Variants in TOPAZ1 observed in about 807,000 individuals in gnomAD.
TOPAZ1 encodes testis and ovary specific TOPAZ 1.
TOPAZ1 carries 66 observed loss-of-function variants against 172.2 expected under a neutral mutation model. The observed-to-expected ratio is 0.38, with a 90% CI of 0.31 to 0.47. TOPAZ1 has a LOEUF of 0.47. Ranked by LOEUF, TOPAZ1 falls within the 20% of genes least tolerant of loss-of-function variation. The pLI, the probability that TOPAZ1 is intolerant of heterozygous loss-of-function variation, is 0.99. For synonymous variants in TOPAZ1, 681 were observed against 683.9 expected (o/e 1.00, Z 0.07); for missense variants, 1,822 against 1,972.4 (o/e 0.92, Z 1.44).
At position 44,242,860 on chromosome 3, in the gene TOPAZ1, A is replaced by C. The variant is rs1415543465; in HGVS notation, c.354A>C (p.Glu118Asp). 9 of 1,500,454 alleles carry C rather than the reference A, an allele frequency of 6.0e-6. No individual in the cohort carries two copies. The highest frequency in any genetic ancestry group is 8.0e-6 in the Non-Finnish European group (9 of 1,128,940). 92.9% of individuals were successfully genotyped at this position (1,500,454 alleles called of 1,614,324 possible). The change falls in exon 2 of 20, where the codon GAA becomes GAC. Residue 118 changes from glutamate to aspartate, a missense_variant. Physicochemically the swap from Glu to Asp is conservative, Grantham distance 45. Around this residue, in one of 2 missense-constraint regions of TOPAZ1, gnomAD observed 1,489 missense variants for 1,490.8 expected, o/e 1.00. Transcript: ENST00000309765. Reference protein sequence around the residue: ...LPLQTERHTKEKRKVTEASSD... With the variant: ...LPLQTERHTKDKRKVTEASSD... ...TTTTGTTGTTTTGATCAGCCAAGGA[A>C]AAAAGAAAAGTTACTGAAGCCTCAA...
chr3:44,273,640 C>A (rs1002909185), intron 8 of TOPAZ1, among the ~76,000 whole-genome samples: 1 of 152,162 alleles, frequency 6.6e-6, no homozygotes, highest in African/African-American at 2.4e-5. Flanking sequence ...ATGCTCCAAT[C>A]ACACCATCCT....
intron 4 of TOPAZ1, among the ~76,000 whole-genome samples, chr3:44,261,943 T>G (rs754400073): frequency 9.9e-5 from 15 of 152,180 alleles, no homozygotes; most frequent in Non-Finnish European, 2.2e-4. Context: ...GTTTAATATT[T>G]GAACATGTAT....
chr3:44,320,260 G>A (rs575185961), intron 16 of TOPAZ1, among the ~76,000 whole-genome samples: 68 of 146,634 alleles, frequency 4.6e-4, no homozygotes, highest in Middle Eastern at 3.4e-3. Flanking sequence ...ATACAACAAC[G>A]ATTTCATAAT....
chr3:44,269,096 T>A, intron 6 of TOPAZ1, 120 bp from the exon 7 acceptor site: 1 of 681,502 alleles, frequency 1.5e-6, no homozygotes, highest in South Asian at 1.7e-5. Context: ...GTCTGTGAAC[T>A]GAATATGAAT....
chr3:44,269,721 A>T (rs1478586657), intron 7 of TOPAZ1, among the ~76,000 whole-genome samples: 1 of 151,638 alleles, frequency 6.6e-6, no homozygotes, highest in Non-Finnish European at 1.5e-5. Context: ...CCTGGGTTCA[A>T]GCCTCAGCCT....
intron 4 of TOPAZ1, among the ~76,000 whole-genome samples, chr3:44,257,469 A>AGTGTGT (rs10523650): frequency 1.2e-4 from 14 of 113,860 alleles, no homozygotes; most frequent in Admixed American, 3.4e-4. Flanking sequence ...ATATATATAT[A>AGTGTGT]GTGTGTGTGT....
At chr3:44,298,903 ATATATATTTTTTTTT>A (rs1296562714) in intron 12 of TOPAZ1, among the ~76,000 whole-genome samples, 4 of 11,438 alleles carry the variant, frequency 3.5e-4, no homozygotes, top group African/African-American at 1.9e-3. Flanking sequence ...ATATATATAT[ATATATATTTTTTTTT>A]TTTTTTTTTT....
Position 44,255,113 on chromosome 3 carries a change from G to A in TOPAZ1, c.2827+84G>A. 4.1e-6 allele frequency: 4 copies of A among 981,170 alleles called. No individual in the cohort carries two copies. In the South Asian group the frequency reaches 6.2e-5, roughly 15 times the overall value. 60.8% of individuals were successfully genotyped at this position (981,170 alleles called of 1,614,324 possible). A position where few individuals can be genotyped will look rare whatever the true frequency, so the allele number is the denominator to read the frequency against. The stretch of plus-strand genomic sequence containing the variant: ...AGGCCTAGTCAAGATGAATTCACTA[G>A]AACAAGAAGCTTTTCATTTTAGGGT... On this transcript the variant is annotated intron_variant, in intron 3 of 19. Coordinates refer to ENST00000309765, the MANE Select transcript of TOPAZ1 (RefSeq NM_001145030.2).
At chr3:44,330,759 C>A (rs970308204) in intron 19 of TOPAZ1, among the ~76,000 whole-genome samples, 2 of 152,214 alleles carry the variant, frequency 1.3e-5, no homozygotes, top group African/African-American at 4.8e-5. Flanking sequence ...CTTAATGTAA[C>A]AGCCACACCT....
At position 44,290,804 on chromosome 3, in the gene TOPAZ1, C is replaced by G; in HGVS notation, c.3715C>G (p.His1239Asp). 1.3e-6 allele frequency: 2 copies of G among 1,549,876 alleles called. No individual in the cohort carries two copies. Among genetic ancestry groups the G allele is most frequent in the Non-Finnish European group, 1.7e-6 (2 of 1,146,414 alleles). ...AGCCGGGATGGTGCTTGACCCAGAG[C>G]ACTTTAACTATATTGTTAAGCTTTT... ...VEAGMVLDPEHFNYIVKLLYQ... is the reference protein window; with the variant it reads ...VEAGMVLDPEDFNYIVKLLYQ... The change falls in exon 12 of 20, where the codon CAC becomes GAC. Residue 1239 changes from histidine to aspartate, a missense_variant. Physicochemically the swap from His to Asp is moderately conservative, Grantham distance 81 (BLOSUM62 -1). Transcript: ENST00000309765.
chr3:44,243,553 C>G lies in TOPAZ1; in HGVS notation c.1047C>G (p.Phe349Leu). The G allele has an allele frequency of 6.4e-7, 1 of 1,551,314 alleles. No individual in the cohort carries two copies. Among genetic ancestry groups the G allele is most frequent in the Non-Finnish European group, 8.7e-7 (1 of 1,146,942 alleles). The change falls in exon 2 of 20, where the codon TTC (phenylalanine) becomes TTG (leucine). Residue 349 changes from phenylalanine to leucine, a missense_variant. Transcript: ENST00000309765. ...ATGAAACAGTTACTGAGATGAACTT[C>G]TCTAATGAGTATAACAAGTCTGAGT... ...KADETVTEMNFSNEYNKSELM... is the reference protein window; with the variant it reads ...KADETVTEMNLSNEYNKSELM...
In TOPAZ1 at chr3:44,244,516, T is replaced by C; in HGVS notation, c.2010T>C (p.Phe670=). 6.4e-7 allele frequency: 1 copy of C among 1,551,510 alleles called. No homozygotes were observed. Among genetic ancestry groups the C allele is most frequent in the Non-Finnish European group, 8.7e-7 (1 of 1,146,944 alleles). ...AAGCATGCATTGCTCAACAAACATT[T>C]ATAGTTCCAGACTTGGTTAAAATAT... ...HRKACIAQQT[F]IVPDLVKILN... is the part of the protein sequence containing the mutation. Residue 670 remains phenylalanine, a synonymous_variant, in exon 2 of 20, where the codon TTT becomes TTC. Coordinates refer to ENST00000309765, the MANE Select transcript of TOPAZ1 (RefSeq NM_001145030.2).
chr3:44,321,088 A>G lies in TOPAZ1; in HGVS notation c.4368A>G (p.Arg1456=). 1 of 1,550,948 alleles carries G rather than the reference A, an allele frequency of 6.4e-7. No homozygotes were observed. Among genetic ancestry groups the G allele is most frequent in the Non-Finnish European group, 8.7e-7 (1 of 1,146,368 alleles). The change falls in exon 17 of 20, where the codon CGA becomes CGG. Residue 1456 remains arginine, a synonymous_variant. Coordinates refer to ENST00000309765, the MANE Select transcript of TOPAZ1 (RefSeq NM_001145030.2). ...WPCDRLDVLN[R]HNLLCTIAHE... Reference sequence around the variant, plus strand: ...GTGATAGACTGGATGTGCTTAATCGACATAATTTACTCTGTACAATTGCAC... The same window carrying G: ...GTGATAGACTGGATGTGCTTAATCGGCATAATTTACTCTGTACAATTGCAC...
chr3:44,296,421 T>TAA (rs3076413), intron 12 of TOPAZ1, among the ~76,000 whole-genome samples: 119,906 of 148,132 alleles, frequency 0.81, 48,385 homozygotes, highest in Middle Eastern at 0.9. Flanking sequence ...CTAGCAAGAC[T>TAA]AAAAAAAAAA....
In TOPAZ1 at chr3:44,243,914, G is replaced by T. The variant is rs771272686; in HGVS notation, c.1408G>T (p.Asp470Tyr). The T allele has an allele frequency of 6.4e-7, 1 of 1,552,182 alleles. No homozygotes were observed. Among genetic ancestry groups the T allele is most frequent in the Non-Finnish European group, 8.7e-7 (1 of 1,147,082 alleles). The part of the protein sequence containing the change: ...YHIERRSSRE[D>Y]LRSASEELKL... ...TATTGAAAGGAGATCTTCACGGGAA[G>T]ACTTAAGAAGTGCATCTGAAGAATT... The change falls in exon 2 of 20, where the codon GAC becomes TAC. Residue 470 changes from aspartate to tyrosine, a missense_variant. Asp to Tyr is a radical substitution (Grantham distance 160). Around this residue, in one of 2 missense-constraint regions of TOPAZ1, gnomAD observed 1,489 missense variants for 1,490.8 expected, o/e 1.00. Transcript: ENST00000309765.
intron 7 of TOPAZ1, among the ~76,000 whole-genome samples, chr3:44,269,837 G>C (rs1699876389): frequency 6.6e-6 from 1 of 151,968 alleles, no homozygotes; most frequent in African/African-American, 2.4e-5. Flanking sequence ...TCACCATGTT[G>C]GCCAGGCTGG....
Position 44,243,464 on chromosome 3 carries a change from T to C in TOPAZ1, c.958T>C (p.Ser320Pro). Reference sequence around the variant, plus strand: ...CCTTCAACATGAAAAAAATAAATATTCAATAGAGGAGAGCAGTGTTGGGCG... The same window carrying C: ...CCTTCAACATGAAAAAAATAAATATCCAATAGAGGAGAGCAGTGTTGGGCG... ...SCLQHEKNKY[S>P]IEESSVGRKP... Residue 320 changes from serine (S) to proline (P), a missense_variant, in exon 2 of 20, where the codon TCA becomes CCA. Coordinates refer to ENST00000309765, the MANE Select transcript of TOPAZ1 (RefSeq NM_001145030.2). The C allele has an allele frequency of 6.4e-7, 1 of 1,551,524 alleles. No individual in the cohort carries two copies. The highest frequency in any genetic ancestry group is 8.7e-7 in the Non-Finnish European group (1 of 1,146,936).
chr3:44,262,845 A>G (rs1188429239), intron 5 of TOPAZ1, among the ~76,000 whole-genome samples: 1 of 152,250 alleles, frequency 6.6e-6, no homozygotes, highest in Non-Finnish European at 1.5e-5. Flanking sequence ...TAAGAGTTAT[A>G]GCACACCCAC....
intron 14 of TOPAZ1, 40 bp downstream of exon 14, chr3:44,305,361 TGG>T: frequency 6.9e-7 from 1 of 1,453,730 alleles, no homozygotes; most frequent in South Asian, 1.4e-5. Context: ...TGTATGAGGA[TGG>T]TGCAGTTTTC....
Sources: gnomAD v4.1 joint callset for allele counts (sites outside exome capture counted in the v4.1 genomes callset) on GRCh38, gnomAD v4.1.1 for gene constraint, gnomAD v4.1.1 regional missense constraint, MANE v1.5 for transcripts, NCBI Gene and HGNC (gene_info 2026-07-23, HGNC 2026-07-21) for gene names.